STXBP5L: variants seen among roughly 807,000 people sequenced by gnomAD.
STXBP5L encodes the protein syntaxin binding protein 5L.
A neutral mutation model predicts 144.5 loss-of-function variants in STXBP5L; 65 were observed. The observed-to-expected ratio is 0.45, with a 90% CI of 0.37 to 0.55. STXBP5L has a LOEUF of 0.55. Ranked by LOEUF, STXBP5L falls within the 20% of genes least tolerant of loss-of-function variation. The pLI, the probability that STXBP5L is intolerant of heterozygous loss-of-function variation, is 0.00. For synonymous variants in STXBP5L, 505 were observed against 469.6 expected (o/e 1.08, Z -0.97); for missense variants, 1,298 against 1,405.5 (o/e 0.92, Z 1.22).
intron 3 of STXBP5L, 138 bp from the exon 4 acceptor site, chr3:121,041,562 A>G (rs1417316476): frequency 1.3e-5 from 8 of 607,436 alleles, no homozygotes; most frequent in Admixed American, 8.3e-5. Flanking sequence ...ACATCTACTA[A>G]GAGTAAGATT....
At chr3:121,126,163 A>C (rs920171088) in intron 7 of STXBP5L, among the ~76,000 whole-genome samples, 34 of 152,292 alleles carry the variant, frequency 2.2e-4, no homozygotes, top group African/African-American at 7.9e-4. Context: ...TTAAGATAAC[A>C]GTTACTACAA....
In STXBP5L at chr3:121,423,151, C is replaced by A. The variant is rs541421798; in HGVS notation, c.*4054C>A. 2.8e-4 allele frequency: 42 copies of A among 152,278 alleles called. No homozygotes were observed. The highest frequency in any genetic ancestry group is 1.0e-3 in the African/African-American group (42 of 41,568). The allele number at this position is 152,278 out of a possible 1,614,324, so 9.4% of individuals were successfully genotyped here. A position where few individuals can be genotyped will look rare whatever the true frequency, so the allele number is the denominator to read the frequency against. Reference sequence around the variant, plus strand: ...TCACACAGGGCAATGCAAAAGAAGTCAAAACATTCATATCAGGTCTTGGTA... The same window carrying A: ...TCACACAGGGCAATGCAAAAGAAGTAAAAACATTCATATCAGGTCTTGGTA... On this transcript the variant is annotated 3_prime_UTR_variant, in exon 27 of 27. Coordinates refer to ENST00000471454, the MANE Select transcript of STXBP5L (RefSeq NM_001308330.2).
At position 121,161,026 on chromosome 3, in the gene STXBP5L, AT is replaced by A. The variant is rs1440324664; in HGVS notation, c.877+3400del. On this transcript the variant is annotated intron_variant, in intron 9 of 26. Transcript: ENST00000471454. ...TTACGCTATGGTTATCATATAGTAC[AT>A]CCAAATATATTGTTATAATTTTTGC... is the stretch of plus-strand genomic sequence containing the variant. Among the ~76,000 whole-genome samples, 3 of 152,126 alleles carry A rather than the reference AT, an allele frequency of 2.0e-5. No individual in the cohort carries two copies. The East Asian group carries it at 5.8e-4, about 29-fold the overall frequency.
chr3:121,308,776 G>C (rs1468968039), intron 19 of STXBP5L, among the ~76,000 whole-genome samples: 1 of 151,892 alleles, frequency 6.6e-6, no homozygotes, highest in Non-Finnish European at 1.5e-5. Flanking sequence ...TTTTATAAAA[G>C]AAATAAAATT....
At chr3:120,973,629 G>A (rs957930197) in intron 3 of STXBP5L, among the ~76,000 whole-genome samples, 2 of 151,704 alleles carry the variant, frequency 1.3e-5, no homozygotes, top group Admixed American at 1.3e-4. Context: ...TGCCATTCTG[G>A]TGTGCTGCAC....
chr3:121,037,846 G>A (rs974712005), intron 3 of STXBP5L, among the ~76,000 whole-genome samples: 1 of 151,886 alleles, frequency 6.6e-6, no homozygotes, highest in Non-Finnish European at 1.5e-5. Flanking sequence ...TCATTAATTT[G>A]TATAGTGCTG....
chr3:121,091,606 G>A (rs538398410), intron 5 of STXBP5L, among the ~76,000 whole-genome samples: 273 of 152,230 alleles, frequency 1.8e-3, no homozygotes, highest in Non-Finnish European at 2.7e-3. Context: ...CATGTCCTTC[G>A]CCCACTTTTT....
At chr3:120,962,747 C>T (rs1435085910) in intron 3 of STXBP5L, among the ~76,000 whole-genome samples, 1 of 152,154 alleles carries the variant, frequency 6.6e-6, no homozygotes, top group African/African-American at 2.4e-5. Flanking sequence ...TTAGAATTGT[C>T]TTGGCAATGC....
intron 3 of STXBP5L, among the ~76,000 whole-genome samples, chr3:121,003,837 AG>A (rs1464870922): frequency 6.6e-6 from 1 of 152,102 alleles, no homozygotes; most frequent in African/African-American, 2.4e-5. Context: ...TGTTTTTGTC[AG>A]GTTTGTCAAA....
chr3:120,912,909 A>T (rs955328222), intron 2 of STXBP5L, among the ~76,000 whole-genome samples: 1 of 151,954 alleles, frequency 6.6e-6, no homozygotes. Context: ...ATATTTTCTC[A>T]TATCTCAATG....
At position 121,032,672 on chromosome 3, in the gene STXBP5L, T is replaced by C. The variant is rs111816218; in HGVS notation, c.288-9028T>C. 2.2e-3 allele frequency among the ~76,000 whole-genome samples: 249 copies of C among 115,638 alleles called. 1 individual carries two copies. Among genetic ancestry groups the C allele is most frequent in the African/African-American group, 7.8e-3 (231 of 29,572 alleles). The allele number at this position is 115,638 out of a possible 152,430, so 75.9% of individuals were successfully genotyped here. ...GGAGAAAATTTTCGCAACCTACTCA[T>C]CTGACAAAGGGCTAATATCCAGAAT... On this transcript the variant is annotated intron_variant, in intron 3 of 26. Coordinates refer to ENST00000471454, the MANE Select transcript of STXBP5L (RefSeq NM_001308330.2).
intron 5 of STXBP5L, among the ~76,000 whole-genome samples, chr3:121,048,788 C>T (rs567861364): frequency 6.6e-5 from 10 of 151,616 alleles, no homozygotes; most frequent in East Asian, 1.9e-4. Context: ...CTGGTTTGAG[C>T]GATTATCCTG....
At chr3:121,264,023 G>A (rs369892607) in intron 18 of STXBP5L, among the ~76,000 whole-genome samples, 37 of 152,152 alleles carry the variant, frequency 2.4e-4, no homozygotes, top group African/African-American at 8.9e-4. Context: ...ATTCACCAAG[G>A]TTGAAATGAA....
At chr3:120,939,804 C>G (rs1710471952) in intron 2 of STXBP5L, among the ~76,000 whole-genome samples, 1 of 152,050 alleles carries the variant, frequency 6.6e-6, no homozygotes, top group Admixed American at 6.6e-5. Context: ...AGGTGTTTAA[C>G]ATGGTTTCCG....
intron 5 of STXBP5L, among the ~76,000 whole-genome samples, chr3:121,085,316 C>G (rs2042437104): frequency 1.3e-5 from 2 of 151,978 alleles, no homozygotes. Flanking sequence ...AGTGGTATTG[C>G]CTGGATTTTC....
At chr3:121,371,865 C>T (rs1376694081) in intron 20 of STXBP5L, among the ~76,000 whole-genome samples, 2 of 152,222 alleles carry the variant, frequency 1.3e-5, no homozygotes. Flanking sequence ...GGCTCCTTGA[C>T]TGCCAATGCT....
intron 5 of STXBP5L, among the ~76,000 whole-genome samples, chr3:121,073,963 G>A (rs576985153): frequency 2.0e-5 from 3 of 152,278 alleles, no homozygotes; most frequent in Non-Finnish European, 1.5e-5. Flanking sequence ...ACACCTTATA[G>A]CCAGCCTCCC....
chr3:121,372,090 A>G (rs936123415), intron 20 of STXBP5L, among the ~76,000 whole-genome samples: 1 of 152,142 alleles, frequency 6.6e-6, no homozygotes, highest in South Asian at 2.1e-4. Context: ...GGGAGGACTC[A>G]GTGTGGTGCA....
chr3:121,375,802 G>A (rs1334722940), intron 20 of STXBP5L, among the ~76,000 whole-genome samples: 1 of 152,006 alleles, frequency 6.6e-6, no homozygotes, highest in Non-Finnish European at 1.5e-5. Flanking sequence ...CCAAGTACTA[G>A]TTCTTCATGT....
Sources: allele counts gnomAD v4.1 joint callset (sites outside exome capture counted in the v4.1 genomes callset), GRCh38; gene constraint gnomAD v4.1.1; transcripts MANE v1.5; gene names NCBI Gene and HGNC (gene_info 2026-07-23, HGNC 2026-07-21).